Variants in DLC1 observed in about 807,000 individuals in gnomAD.
The protein encoded by DLC1 is rho GTPase-activating protein 7.
Under a neutral mutation model 140.3 loss-of-function variants are expected in DLC1, and 54 were observed. The ratio of observed to expected loss-of-function variants is 0.38; its 90% CI spans 0.31 to 0.48. The LOEUF is 0.48. Among genes scored for constraint, DLC1 ranks in the 20% least tolerant of loss-of-function variants. The pLI is 0.96. For synonymous variants in DLC1, 986 were observed against 728.1 expected, an observed-to-expected ratio of 1.35 and a Z score of -5.70; for missense variants, 2,536 against 1,907.0, an observed-to-expected ratio of 1.33 and a Z score of -6.14.
chr8:13,209,635 T>C (rs765468794), intron 5 of DLC1, among the ~76,000 whole-genome samples: 34 of 152,270 alleles, frequency 2.2e-4, no homozygotes, highest in Admixed American at 8.5e-4. Flanking sequence ...GGTGGATTTC[T>C]CATGAATGGT....
chr8:13,523,921 G>C (rs1409906113), intron 1 of DLC1, among the ~76,000 whole-genome samples: 13 of 151,540 alleles, frequency 8.6e-5, no homozygotes, highest in Non-Finnish European at 1.3e-4. Context: ...AAATGTTGAA[G>C]AGTGAGGAGA....
At chr8:13,292,760 C>G (rs1288650683) in intron 5 of DLC1, among the ~76,000 whole-genome samples, 1 of 152,012 alleles carries the variant, frequency 6.6e-6, no homozygotes, top group Non-Finnish European at 1.5e-5. Context: ...CTTTAAGAGT[C>G]TTCATTTTTA....
At chr8:13,229,288 A>T (rs1324932720) in intron 5 of DLC1, among the ~76,000 whole-genome samples, 2 of 152,222 alleles carry the variant, frequency 1.3e-5, no homozygotes, top group Admixed American at 1.3e-4. Context: ...ACGCTACAAC[A>T]TTACGAACCT....
In DLC1 at chr8:13,408,960, A is replaced by C. The variant is rs1448873065; in HGVS notation, c.1024-7341T>G. 1.3e-5 allele frequency among the ~76,000 whole-genome samples: 2 copies of C among 152,132 alleles called. 1 individual carries two copies. The highest frequency in any genetic ancestry group is 1.3e-4 in the Admixed American group (2 of 15,260). ...GATGATCCTTCCTTTGCCATGAACA[A>C]CAAAAAAAGACATAAGTAAACATGT... On this transcript the variant is annotated intron_variant, in intron 2 of 17. Transcript: ENST00000276297.
At chr8:13,128,504 G>A (rs997816687) in intron 5 of DLC1, among the ~76,000 whole-genome samples, 4 of 152,214 alleles carry the variant, frequency 2.6e-5, no homozygotes, top group Non-Finnish European at 5.9e-5. Flanking sequence ...GGCCACAATA[G>A]AGAAGTCTCG....
intron 1 of DLC1, among the ~76,000 whole-genome samples, chr8:13,526,939 TA>T (rs1417754660): frequency 7.9e-5 from 12 of 152,184 alleles, no homozygotes; most frequent in African/African-American, 1.9e-4. Context: ...AAAGTTTTCA[TA>T]AAAAAATTCC....
intron 2 of DLC1, among the ~76,000 whole-genome samples, chr8:13,432,152 A>G (rs1187741545): frequency 6.6e-6 from 1 of 152,232 alleles, no homozygotes; most frequent in Non-Finnish European, 1.5e-5. Flanking sequence ...CATCCTCACC[A>G]AAATATATCT....
chr8:13,349,316 C>G (rs771813861), intron 4 of DLC1, among the ~76,000 whole-genome samples: 1 of 152,052 alleles, frequency 6.6e-6, no homozygotes, highest in Admixed American at 6.6e-5. Flanking sequence ...TGTTTAGGTC[C>G]TTCTGGTTAG....
chr8:13,231,862 T>C (rs896770273), intron 5 of DLC1, among the ~76,000 whole-genome samples: 1 of 152,242 alleles, frequency 6.6e-6, no homozygotes, highest in Non-Finnish European at 1.5e-5. Flanking sequence ...TGTATGTAGA[T>C]ATGCTTAATT....
intron 1 of DLC1, among the ~76,000 whole-genome samples, chr8:13,598,560 G>A (rs763351624): frequency 4.6e-5 from 7 of 151,890 alleles, no homozygotes; most frequent in Non-Finnish European, 7.4e-5. Flanking sequence ...TTGAAAACAT[G>A]GTAAAATTAC....
intron 1 of DLC1, among the ~76,000 whole-genome samples, chr8:13,538,924 A>G: frequency 6.6e-6 from 1 of 152,280 alleles, no homozygotes; most frequent in South Asian, 2.1e-4. Context: ...TTCATCTAAT[A>G]CAATTTTTTC....
intron 4 of DLC1, among the ~76,000 whole-genome samples, chr8:13,332,867 TG>T (rs970392241): frequency 5.3e-5 from 8 of 152,070 alleles, no homozygotes; most frequent in East Asian, 1.9e-4. Context: ...GTGATTTTTT[TG>T]TGTATTTGAC....
chr8:13,599,238 A>G (rs1394909060), intron 1 of DLC1, among the ~76,000 whole-genome samples: 1 of 151,928 alleles, frequency 6.6e-6, no homozygotes, highest in African/African-American at 2.4e-5. Context: ...TATATTCACA[A>G]TTATAGAAGG....
chr8:13,219,145 A>G (rs1172956715), intron 5 of DLC1, among the ~76,000 whole-genome samples: 5 of 113,160 alleles, frequency 4.4e-5, no homozygotes, highest in Admixed American at 1.0e-4. Context: ...TGTGAATATA[A>G]TTATATAATT....
chr8:13,293,798 G>C lies in DLC1; in HGVS notation c.1348+11471C>G, dbSNP rs528641685. Among the ~76,000 whole-genome samples the C allele has an allele frequency of 3.3e-3, 501 of 152,162 alleles. 1 individual carries two copies. The highest frequency in any genetic ancestry group is 5.1e-3 in the Non-Finnish European group (347 of 68,010). ...ATTTGAATCAGAACATATTAAAAGA[G>C]AAATTGTCATCTACGTGTGTTGCTT... On this transcript the variant is annotated intron_variant, in intron 5 of 17. Transcript: ENST00000276297.
At chr8:13,510,737 C>T (rs1184650692) in intron 1 of DLC1, among the ~76,000 whole-genome samples, 2 of 152,154 alleles carry the variant, frequency 1.3e-5, no homozygotes, top group Non-Finnish European at 2.9e-5. Flanking sequence ...TCACTGGCCT[C>T]ATGTAACTTT....
intron 5 of DLC1, among the ~76,000 whole-genome samples, chr8:13,175,865 T>C (rs934588511): frequency 3.9e-5 from 6 of 152,218 alleles, no homozygotes; most frequent in Admixed American, 2.0e-4. Flanking sequence ...CTTTCCTTCC[T>C]GGTCACAGCT....
At chr8:13,571,670 G>A (rs554486674) in intron 1 of DLC1, among the ~76,000 whole-genome samples, 1 of 152,274 alleles carries the variant, frequency 6.6e-6, no homozygotes, top group South Asian at 2.1e-4. Context: ...TATGAACACT[G>A]GCATACAAGT....
intron 4 of DLC1, among the ~76,000 whole-genome samples, chr8:13,345,748 G>A (rs2117006528): frequency 6.6e-6 from 1 of 150,950 alleles, no homozygotes; most frequent in African/African-American, 2.5e-5. Context: ...TGGTAGAGAT[G>A]GGGTTTCACC....
Sources: gnomAD v4.1 joint callset for allele counts (sites outside exome capture counted in the v4.1 genomes callset) on GRCh38, gnomAD v4.1.1 for gene constraint, MANE v1.5 for transcripts, NCBI Gene and HGNC (gene_info 2026-07-23, HGNC 2026-07-21) for gene names.